Variants in CC2D2A observed in about 807,000 individuals in gnomAD.
The protein encoded by CC2D2A is coiled-coil and C2 domain containing 2A, also known as coiled-coil and C2 domain-containing protein 2A.
A neutral mutation model predicts 212.9 loss-of-function variants in CC2D2A; 155 were observed. That is an observed-to-expected ratio of 0.73 (90% CI 0.64 to 0.83). The LOEUF (loss-of-function observed/expected upper bound fraction) is 0.83. CC2D2A is among the 40% of genes least tolerant of loss of function. The probability of loss-of-function intolerance (pLI) is 0.00; values close to 1 mark genes in which losing one functional copy is unlikely to be tolerated. For synonymous variants in CC2D2A, 667 were observed against 686.5 expected, an observed-to-expected ratio of 0.97 and a Z score of 0.44; for missense variants, 1,856 against 1,956.2, an observed-to-expected ratio of 0.95 and a Z score of 0.97.
rs1427045931 is a variant in CC2D2A at position 15,538,130 on chromosome 4, T to C, written c.1996T>C (p.Cys666Arg). The C allele has an allele frequency of 6.4e-7, 1 of 1,564,496 alleles. No individual in the cohort carries two copies. Among genetic ancestry groups the C allele is most frequent in the African/African-American group, 1.4e-5 (1 of 73,806 alleles). Residue 666 changes from cysteine (C) to arginine (R), a missense_variant, in exon 16 of 37, where the codon TGC (cysteine) becomes CGC (arginine). Around this residue, in one of 5 missense-constraint regions of CC2D2A, gnomAD observed 1,512 missense variants for 1,579.3 expected, o/e 0.96. Coordinates refer to ENST00000424120, the MANE Select transcript of CC2D2A (RefSeq NM_001378615.1). ...AGGAAGCGTAACACCCAATGACCAG[T>C]GCCCCAGGTGAGTGGATGCTCCGAC... Reference protein sequence around the residue: ...LAGSVTPNDQCPRAEVSRRED... With the variant: ...LAGSVTPNDQRPRAEVSRRED...
intron 4 of CC2D2A, among the ~76,000 whole-genome samples, chr4:15,500,109 A>G (rs6449143): frequency 0.18 from 5,086 of 27,728 alleles, 130 homozygotes; most frequent in East Asian, 0.46. Flanking sequence ...GTGTGTGTGT[A>G]TATATATATA....
chr4:15,527,600 T>C lies in CC2D2A; in HGVS notation c.1303T>C (p.Tyr435His), dbSNP rs1360628707. ...HVLAAKLAQLYDQYLARHQRN... is the reference protein window; with the variant it reads ...HVLAAKLAQLHDQYLARHQRN... ...TTTGGCAGCCAAGCTGGCCCAGTTA[T>C]ATGACCAGTACCTTGCAAGACACCA... Residue 435 changes from tyrosine (Y) to histidine (H), a missense_variant, in exon 12 of 37, where the codon TAT becomes CAT. Around this residue, in one of 5 missense-constraint regions of CC2D2A, gnomAD observed 1,512 missense variants for 1,579.3 expected, o/e 0.96. Coordinates refer to ENST00000424120, the MANE Select transcript of CC2D2A (RefSeq NM_001378615.1). 7 of 1,613,156 alleles carry C rather than the reference T, an allele frequency of 4.3e-6. No individual in the cohort carries two copies. The highest frequency in any genetic ancestry group is 2.7e-5 in the African/African-American group (2 of 74,934).
At position 15,540,983 on chromosome 4, in the gene CC2D2A, T is replaced by G; in HGVS notation, c.2150T>G (p.Ile717Arg). The G allele has an allele frequency of 5.8e-6, 9 of 1,551,202 alleles. No individual in the cohort carries two copies. The highest frequency in any genetic ancestry group is 7.8e-6 in the Non-Finnish European group (9 of 1,146,760). ...TTTGGGCAGATTTTCAATTTGCAAA[T>G]AGTCAACTGGCCGGAGAGTTTAACA... ...VHFGQIFNLQ[I>R]VNWPESLTLQ... The change falls in exon 17 of 37, where the codon ATA becomes AGA. Residue 717 changes from isoleucine to arginine, a missense_variant. By Grantham distance (97) the Ile-to-Arg change is moderately conservative. Coordinates refer to ENST00000424120, the MANE Select transcript of CC2D2A (RefSeq NM_001378615.1).
rs1048765431 is a variant in CC2D2A at position 15,497,215 on chromosome 4, A to G, written c.248-5214A>G. Among the ~76,000 whole-genome samples the G allele has an allele frequency of 3.3e-5, 5 of 152,240 alleles. No homozygotes were observed. The East Asian group carries it at 9.6e-4, about 29-fold the overall frequency. The stretch of plus-strand genomic sequence containing the variant: ...GCATGGTACAGGTACAAAAACAGGC[A>G]TACAGACCAATGGAACAGGTTAGAG... On this transcript the variant is annotated intron_variant, in intron 4 of 36. Transcript: ENST00000424120.
chr4:15,566,071 T>C (rs976250746), intron 24 of CC2D2A, among the ~76,000 whole-genome samples: 1 of 152,216 alleles, frequency 6.6e-6, no homozygotes, highest in Non-Finnish European at 1.5e-5. Context: ...TGCCCAGTGA[T>C]GAATGTGAAA....
rs1461852686 is a variant in CC2D2A at position 15,574,281 on chromosome 4, T to C, written c.3726T>C (p.Ile1242=). The change falls in exon 29 of 37, where the codon ATT becomes ATC. Residue 1242 remains isoleucine, a synonymous_variant. Transcript: ENST00000424120. ...LSEGSYITLF[I]TIEPQLVPGE... is the part of the protein sequence containing the mutation. Reference sequence around the variant, plus strand: ...AAGGCTCCTACATTACCCTCTTTATTACCATTGAGCCCCAGCTGGTTCCTG... The same window carrying C: ...AAGGCTCCTACATTACCCTCTTTATCACCATTGAGCCCCAGCTGGTTCCTG... The C allele has an allele frequency of 6.4e-7, 1 of 1,551,524 alleles. No individual in the cohort carries two copies. The highest frequency in any genetic ancestry group is 2.4e-5 in the East Asian group (1 of 40,914).
At position 15,519,466 on chromosome 4, in the gene CC2D2A, G is replaced by C. The variant is rs1488708588; in HGVS notation, c.1149+2710G>C. ...CTGTTCCAGCCTCTGCCTGTTACCA[G>C]TTCCAAAGTTGCTTCCACATTTTTG... On this transcript the variant is annotated intron_variant, in intron 11 of 36. Transcript: ENST00000424120. 3 of 442,008 alleles carry C rather than the reference G, an allele frequency of 6.8e-6. No individual in the cohort carries two copies. The East Asian group carries it at 2.1e-4, about 31-fold the overall frequency. 27.4% of individuals were successfully genotyped at this position (442,008 alleles called of 1,614,324 possible).
At chr4:15,546,603 T>G (rs998976459) in intron 17 of CC2D2A, among the ~76,000 whole-genome samples, 1 of 152,226 alleles carries the variant, frequency 6.6e-6, no homozygotes, top group South Asian at 2.1e-4. Flanking sequence ...AGTGTCCTTG[T>G]TTACCCTCGC....
At chr4:15,581,099 A>T (rs1238315130) in intron 30 of CC2D2A, among the ~76,000 whole-genome samples, 2 of 152,176 alleles carry the variant, frequency 1.3e-5, no homozygotes, top group African/African-American at 4.8e-5. Flanking sequence ...GAGAGTGGAT[A>T]ATATAGGAAG....
At chr4:15,573,670 GA>G (rs1282657126) in intron 28 of CC2D2A, among the ~76,000 whole-genome samples, 1 of 152,158 alleles carries the variant, frequency 6.6e-6, no homozygotes, top group Non-Finnish European at 1.5e-5. Context: ...TTAAAATTCT[GA>G]AAAATGGAGA....
At chr4:15,482,971 C>G (rs1352524766) in intron 4 of CC2D2A, among the ~76,000 whole-genome samples, 1 of 152,156 alleles carries the variant, frequency 6.6e-6, no homozygotes, top group Non-Finnish European at 1.5e-5. Flanking sequence ...TGGAGCCACA[C>G]CATGACCATC....
upstream of CC2D2A, chr4:15,469,873 C>T (rs1279752661): frequency 6.6e-6 from 1 of 151,972 alleles, no homozygotes; most frequent in Non-Finnish European, 1.5e-5. Flanking sequence ...TCCTTAGGAA[C>T]GGGTTGCTAA....
chr4:15,559,127 G>T lies in CC2D2A; in HGVS notation c.2830-38G>T, dbSNP rs35309200. 170,796 of 1,191,750 alleles carry T rather than the reference G, an allele frequency of 0.14. 12,856 individuals carry two copies. The highest frequency in any genetic ancestry group is 0.15 in the Non-Finnish European group (127,751 of 831,404). The allele number at this position is 1,191,750 out of a possible 1,614,324, so 73.8% of individuals were successfully genotyped here. A position where few individuals can be genotyped will look rare whatever the true frequency, so the allele number is the denominator to read the frequency against. On this transcript the variant is annotated intron_variant, in intron 21 of 36. Transcript: ENST00000424120. ...TTACCTGATCTTAAGAAAAGCACCA[G>T]AGAGTGCTTTAAAATCATTGCCTCT...
Position 15,512,666 on chromosome 4 carries a change from A to G in CC2D2A, c.717+1243A>G, listed in dbSNP as rs116597772. On this transcript the variant is annotated intron_variant, in intron 8 of 36. Coordinates refer to ENST00000424120, the MANE Select transcript of CC2D2A (RefSeq NM_001378615.1). ...ATGCCACTGAACTGTTCACCTAAAA[A>G]TGGTTAAAATGGGCCGGGTGCGGTG... 3.2e-3 allele frequency among the ~76,000 whole-genome samples: 486 copies of G among 152,290 alleles called. 3 individuals are homozygous for G. Among genetic ancestry groups the G allele is most frequent in the African/African-American group, 0.011 (460 of 41,566 alleles).
At chr4:15,546,902 A>ATC (rs1718739133) in intron 17 of CC2D2A, among the ~76,000 whole-genome samples, 1 of 152,170 alleles carries the variant, frequency 6.6e-6, no homozygotes, top group Non-Finnish European at 1.5e-5. Context: ...AAACTGGGAA[A>ATC]TCTCTAGGAA....
intron 1 of CC2D2A, among the ~76,000 whole-genome samples, chr4:15,470,402 C>T (rs1713645125): frequency 6.6e-6 from 1 of 152,010 alleles, no homozygotes; most frequent in Non-Finnish European, 1.5e-5. Flanking sequence ...AGGGGAGAAG[C>T]ACTAATTACT....
rs1577312181 is a variant in CC2D2A, at chr4:15,480,845, A to G, written c.247+18A>G. The G allele has an allele frequency of 1.2e-6, 2 of 1,608,152 alleles. No homozygotes were observed. Among genetic ancestry groups the G allele is most frequent in the East Asian group, 2.2e-5 (1 of 44,710 alleles). ...CCCACGGAGTAAGTGCCCCTCTTCC[A>G]TTCAGCTACTGCTTGTTAACTGCCT... On this transcript the variant is annotated intron_variant, in intron 4 of 36. Coordinates refer to ENST00000424120, the MANE Select transcript of CC2D2A (RefSeq NM_001378615.1).
chr4:15,570,896 C>CA (rs1282550319), intron 28 of CC2D2A, among the ~76,000 whole-genome samples: 1 of 151,952 alleles, frequency 6.6e-6, no homozygotes, highest in Non-Finnish European at 1.5e-5. Context: ...TCAGAAAAAA[C>CA]AAAAACAAAA....
Position 15,587,925 on chromosome 4 carries a change from C to A in CC2D2A, c.4175C>A (p.Pro1392His). ...KAWLLMGNAI[P>H]EGPTAYVLTW... is the part of the protein sequence containing the mutation. The stretch of plus-strand genomic sequence containing the variant: ...TGGCTGTTGATGGGCAATGCTATTC[C>A]TGAGGTAAGACCACATAGGCTGCCT... Residue 1392 changes from proline to histidine, a missense_variant, in exon 32 of 37, where the codon CCT becomes CAT. Physicochemically the swap from Pro to His is moderately conservative, Grantham distance 77. Coordinates refer to ENST00000424120, the MANE Select transcript of CC2D2A (RefSeq NM_001378615.1). The A allele has an allele frequency of 1.3e-6, 2 of 1,594,422 alleles. No homozygotes were observed. Among genetic ancestry groups the A allele is most frequent in the Non-Finnish European group, 8.6e-7 (1 of 1,162,738 alleles).
Sources: gnomAD v4.1 joint callset for allele counts (sites outside exome capture counted in the v4.1 genomes callset) on GRCh38, gnomAD v4.1.1 for gene constraint, gnomAD v4.1.1 regional missense constraint, MANE v1.5 for transcripts, NCBI Gene and HGNC (gene_info 2026-07-23, HGNC 2026-07-21) for gene names.